DLGAP2: variants seen among roughly 807,000 people sequenced by gnomAD.
DLGAP2 encodes the protein DLG associated protein 2.
In DLGAP2, 26 loss-of-function variants were observed where a neutral mutation model predicts 100.3. That is an observed-to-expected ratio of 0.26 (90% CI 0.19 to 0.36). The LOEUF (loss-of-function observed/expected upper bound fraction) is 0.36, where lower values mean the gene tolerates loss of function less well. Among genes scored for constraint, DLGAP2 ranks in the 10% least tolerant of loss-of-function variants. The probability of loss-of-function intolerance (pLI) is 1.00; values close to 1 mark genes in which losing one functional copy is unlikely to be tolerated. For missense variants in DLGAP2, 1,858 were observed against 1,453.2 expected (o/e 1.28, Z -4.53); for synonymous variants, 886 against 630.1 (o/e 1.41, Z -6.08).
At chr8:1,074,772 G>A (rs145580547) in intron 2 of DLGAP2, among the ~76,000 whole-genome samples, 188 of 152,290 alleles carry the variant, frequency 1.2e-3, no homozygotes, top group African/African-American at 4.3e-3. Context: ...GAAGTCATCT[G>A]GTGTATCGTT....
Position 1,549,019 on chromosome 8 carries a change from C to T in DLGAP2, c.566C>T (p.Pro189Leu). 1 of 1,596,980 alleles carries T rather than the reference C, an allele frequency of 6.3e-7. No homozygotes were observed. Among genetic ancestry groups the T allele is most frequent in the Non-Finnish European group, 8.5e-7 (1 of 1,177,352 alleles). Residue 189 changes from proline (P) to leucine (L), a missense_variant, in exon 5 of 15, where the codon CCG becomes CTG. Transcript: ENST00000637795. ...AHAGAKINRI[P>L]ANLLDQFEKQ... The stretch of plus-strand genomic sequence containing the variant: ...GCGGGCGCCAAGATCAACCGCATCC[C>T]GGCCAACCTGCTGGACCAGTTCGAG...
chr8:850,913 C>T (rs1166379468), intron 1 of DLGAP2, among the ~76,000 whole-genome samples: 1 of 152,010 alleles, frequency 6.6e-6, no homozygotes, highest in African/African-American at 2.4e-5. Flanking sequence ...CTTTCACTCT[C>T]TCTGTTTTCA....
chr8:866,259 T>A (rs1263025432), intron 1 of DLGAP2, among the ~76,000 whole-genome samples: 1 of 152,140 alleles, frequency 6.6e-6, no homozygotes, highest in Non-Finnish European at 1.5e-5. Context: ...CGTGCCGGTA[T>A]CTCTCATGGA....
At chr8:1,303,703 G>A (rs758525140) in intron 3 of DLGAP2, among the ~76,000 whole-genome samples, 7 of 152,260 alleles carry the variant, frequency 4.6e-5, no homozygotes, top group Middle Eastern at 3.4e-3. Flanking sequence ...GGTCTCCTTG[G>A]GAGGCACGGG....
chr8:1,254,980 T>TGTGTGTGTCCTCTCATCCTGCCCGGCC (rs1250138395), intron 2 of DLGAP2, among the ~76,000 whole-genome samples: 1 of 103,686 alleles, frequency 9.6e-6, no homozygotes, highest in Non-Finnish European at 1.9e-5. Flanking sequence ...CCTGTCCGGG[T>TGTGTGTGTCCTCTCATCCTGCCCGGCC]GCTGTGTGTG....
chr8:1,376,563 C>T (rs769567871), intron 3 of DLGAP2, among the ~76,000 whole-genome samples: 4 of 152,194 alleles, frequency 2.6e-5, no homozygotes, highest in Non-Finnish European at 5.9e-5. Context: ...TCAGAAGCTG[C>T]TCTCCTCCTG....
At chr8:957,741 GTTTAT>G (rs1799628439) in intron 2 of DLGAP2, among the ~76,000 whole-genome samples, 1 of 152,152 alleles carries the variant, frequency 6.6e-6, no homozygotes. Context: ...ATTCAGCTGT[GTTTAT>G]TTTATTCCAG....
chr8:1,685,970 T>A (rs1174974390), intron 12 of DLGAP2, among the ~76,000 whole-genome samples: 3 of 152,164 alleles, frequency 2.0e-5, no homozygotes, highest in Non-Finnish European at 4.4e-5. Flanking sequence ...GCTTGCACAC[T>A]GCTGGTTGGA....
intron 2 of DLGAP2, among the ~76,000 whole-genome samples, chr8:1,202,983 C>T (rs1009789068): frequency 4.6e-5 from 7 of 152,178 alleles, no homozygotes; most frequent in South Asian, 2.1e-4. Flanking sequence ...CCGTGTACTC[C>T]GGTGATTGCA....
intron 3 of DLGAP2, among the ~76,000 whole-genome samples, chr8:1,464,574 C>A (rs1458245053): frequency 6.6e-6 from 1 of 152,132 alleles, no homozygotes; most frequent in African/African-American, 2.4e-5. Flanking sequence ...CAGGACGGCT[C>A]TCTTCCAGGA....
intron 4 of DLGAP2, among the ~76,000 whole-genome samples, chr8:1,515,555 C>T (rs573734979): frequency 2.0e-5 from 3 of 152,136 alleles, no homozygotes; most frequent in African/African-American, 2.4e-5. Context: ...CACACAAACA[C>T]GAGCAGACAT....
At chr8:1,005,405 G>GT (rs34780471) in intron 2 of DLGAP2, among the ~76,000 whole-genome samples, 1,035 of 99,192 alleles carry the variant, frequency 0.01, 13 homozygotes, top group African/African-American at 0.02. Context: ...AACTCCACTT[G>GT]TTTTTTTTTT....
At chr8:1,390,469 C>T (rs1396379329) in intron 3 of DLGAP2, among the ~76,000 whole-genome samples, 1 of 152,168 alleles carries the variant, frequency 6.6e-6, no homozygotes, top group East Asian at 1.9e-4. Flanking sequence ...GTTCCAGGCC[C>T]ACCTACAAGC....
At chr8:1,639,093 A>C (rs911189794) in intron 8 of DLGAP2, among the ~76,000 whole-genome samples, 1 of 152,232 alleles carries the variant, frequency 6.6e-6, no homozygotes, top group Admixed American at 6.5e-5. Flanking sequence ...AGTAGTTCAG[A>C]TGTGTTGAGC....
intron 3 of DLGAP2, among the ~76,000 whole-genome samples, chr8:1,464,901 A>G (rs976074709): frequency 6.6e-6 from 1 of 150,844 alleles, no homozygotes; most frequent in African/African-American, 2.4e-5. Context: ...ACAAAAAAAA[A>G]GTAGTATCTG....
At chr8:948,780 TG>T (rs1426510691) in intron 2 of DLGAP2, among the ~76,000 whole-genome samples, 1 of 152,228 alleles carries the variant, frequency 6.6e-6, no homozygotes, top group African/African-American at 2.4e-5. Flanking sequence ...GAGCCAGCCT[TG>T]TCAGACACTG....
At chr8:1,040,176 C>G (rs1444667583) in intron 2 of DLGAP2, among the ~76,000 whole-genome samples, 1 of 137,210 alleles carries the variant, frequency 7.3e-6, no homozygotes, top group Non-Finnish European at 1.5e-5. Flanking sequence ...GTTGTCAGCT[C>G]GGTTTCCATG....
At chr8:958,426 A>G (rs1288748562) in intron 2 of DLGAP2, among the ~76,000 whole-genome samples, 1 of 152,100 alleles carries the variant, frequency 6.6e-6, no homozygotes, top group Non-Finnish European at 1.5e-5. Flanking sequence ...ATGACCTACA[A>G]GTGGAATTGC....
chr8:1,340,846 T>A (rs1407655873), intron 3 of DLGAP2, among the ~76,000 whole-genome samples: 1 of 152,148 alleles, frequency 6.6e-6, no homozygotes, highest in Non-Finnish European at 1.5e-5. Context: ...ATGCCATCAA[T>A]GGTAGATTGG....
Sources: allele counts gnomAD v4.1 joint callset (sites outside exome capture counted in the v4.1 genomes callset), GRCh38; gene constraint gnomAD v4.1.1; transcripts MANE v1.5; gene names NCBI Gene and HGNC (gene_info 2026-07-23, HGNC 2026-07-21).